ATRNL1: variants seen among roughly 807,000 people sequenced by gnomAD.
ATRNL1 encodes attractin like 1.
A neutral mutation model predicts 182.7 loss-of-function variants in ATRNL1; 95 were observed. The observed-to-expected ratio is 0.52, with a 90% confidence interval of 0.44 to 0.62. The LOEUF is 0.62. ATRNL1 is among the 20% of genes least tolerant of loss of function. The pLI, the probability that ATRNL1 is intolerant of heterozygous loss-of-function variation, is 0.00. For missense variants in ATRNL1, 1,471 were observed against 1,679.5 expected, an observed-to-expected ratio of 0.88 and a Z score of 2.17; for synonymous variants, 576 against 568.3, an observed-to-expected ratio of 1.01 and a Z score of -0.19.
At chr10:115,856,273 C>CA (rs1951178281) in intron 28 of ATRNL1, among the ~76,000 whole-genome samples, 1 of 151,432 alleles carries the variant, frequency 6.6e-6, no homozygotes, top group Non-Finnish European at 1.5e-5. Context: ...ACTAAAAATA[C>CA]AAAAATTAGC....
At chr10:115,668,351 T>C (rs574648354) in intron 26 of ATRNL1, among the ~76,000 whole-genome samples, 58 of 152,312 alleles carry the variant, frequency 3.8e-4, no homozygotes, top group African/African-American at 1.3e-3. Flanking sequence ...AAATTAGTTA[T>C]GTTGCTTTAT....
At chr10:115,577,971 T>G (rs1033078700) in intron 26 of ATRNL1, among the ~76,000 whole-genome samples, 8 of 151,812 alleles carry the variant, frequency 5.3e-5, no homozygotes, top group Non-Finnish European at 1.0e-4. Context: ...GAACAGATAC[T>G]GAACTTTGTC....
intron 27 of ATRNL1, among the ~76,000 whole-genome samples, chr10:115,763,895 C>T (rs1212300463): frequency 1.3e-5 from 2 of 152,016 alleles, no homozygotes; most frequent in African/African-American, 4.8e-5. Flanking sequence ...ATAACATTCA[C>T]GTTAAAAGTT....
intron 8 of ATRNL1, among the ~76,000 whole-genome samples, chr10:115,180,484 G>C (rs1249024764): frequency 6.6e-6 from 1 of 151,404 alleles, no homozygotes; most frequent in Non-Finnish European, 1.5e-5. Context: ...CCCTGCTTTT[G>C]AGCTTTTGGA....
intron 20 of ATRNL1, among the ~76,000 whole-genome samples, chr10:115,395,768 C>A (rs1399320912): frequency 6.6e-6 from 1 of 151,550 alleles, no homozygotes; most frequent in Non-Finnish European, 1.5e-5. Context: ...TATTTTCCTT[C>A]AAAAATTAAC....
At chr10:115,094,106 GC>G in intron 1 of ATRNL1, 63 bp downstream of exon 1, 1 of 1,294,852 alleles carries the variant, frequency 7.7e-7, no homozygotes. Context: ...GGCCTTCCCC[GC>G]CCCCCTCGCG....
At chr10:115,214,512 A>G (rs924524762) in intron 8 of ATRNL1, among the ~76,000 whole-genome samples, 3 of 151,954 alleles carry the variant, frequency 2.0e-5, no homozygotes, top group Admixed American at 1.3e-4. Context: ...TTTTATGATC[A>G]TTGTAGAATC....
chr10:115,496,681 G>C (rs1441296984), intron 24 of ATRNL1, among the ~76,000 whole-genome samples: 1 of 152,138 alleles, frequency 6.6e-6, no homozygotes, highest in Non-Finnish European at 1.5e-5. Flanking sequence ...TGAAGTTTTT[G>C]ATTTGAGTTT....
chr10:115,207,055 A>G (rs1055947729), intron 8 of ATRNL1, among the ~76,000 whole-genome samples: 1 of 152,124 alleles, frequency 6.6e-6, no homozygotes, highest in Non-Finnish European at 1.5e-5. Flanking sequence ...TCCATGGTGT[A>G]TATGTGCCAC....
Position 115,129,628 on chromosome 10 carries a change from C to T in ATRNL1, c.829+93C>T, listed in dbSNP as rs1306741346. On this transcript the variant is annotated intron_variant, in intron 5 of 28. Transcript: ENST00000355044. ...CACACGTTTGTTTCGTTATAGTTTG[C>T]ACACCCAAGCCTTATATATTTACTT... The T allele has an allele frequency of 6.3e-6, 6 of 950,738 alleles. No homozygotes were observed. In the Admixed American group the frequency reaches 1.1e-4, roughly 18 times the overall value. 58.9% of individuals were successfully genotyped at this position (950,738 alleles called of 1,614,324 possible).
chr10:115,139,897 A>T (rs1845688652), intron 5 of ATRNL1, among the ~76,000 whole-genome samples: 1 of 152,206 alleles, frequency 6.6e-6, no homozygotes, highest in Non-Finnish European at 1.5e-5. Context: ...ATACAAAAGG[A>T]TATTGAGTAG....
intron 26 of ATRNL1, among the ~76,000 whole-genome samples, chr10:115,720,692 T>C (rs1555057508): frequency 6.6e-6 from 1 of 152,144 alleles, no homozygotes; most frequent in Non-Finnish European, 1.5e-5. Context: ...CACCAAAGTT[T>C]ACAGAAAAAA....
At chr10:115,651,487 C>T (rs1263338509) in intron 26 of ATRNL1, among the ~76,000 whole-genome samples, 2 of 152,096 alleles carry the variant, frequency 1.3e-5, no homozygotes, top group Non-Finnish European at 2.9e-5. Context: ...TCAAGATTTT[C>T]TCCTTTTCTT....
chr10:115,160,094 A>C lies in ATRNL1; in HGVS notation c.884A>C (p.Asn295Thr), dbSNP rs1554882889. ...ACTGAGTCTTACTGGATTCTGCCAA[A>C]CGTTAAACCCTTCAGTCCTTCTGTA... is the stretch of plus-strand genomic sequence containing the variant. ...PSTESYWILP[N>T]VKPFSPSVGR... is the part of the protein sequence containing the mutation. Residue 295 changes from asparagine to threonine, a missense_variant, in exon 6 of 29, where the codon AAC (asparagine) becomes ACC (threonine). Asn to Thr is a moderately conservative substitution (Grantham distance 65, BLOSUM62 0). Around this residue, in one of 3 missense-constraint regions of ATRNL1, gnomAD observed 1,031 missense variants for 1,156.0 expected, o/e 0.89. Transcript: ENST00000355044. 6.2e-7 allele frequency: 1 copy of C among 1,612,214 alleles called. No individual in the cohort carries two copies.
intron 20 of ATRNL1, among the ~76,000 whole-genome samples, chr10:115,425,970 A>G (rs540745651): frequency 6.6e-6 from 1 of 152,164 alleles, no homozygotes; most frequent in South Asian, 2.1e-4. Context: ...GCTCATAATT[A>G]TATTTCATCT....
intron 5 of ATRNL1, among the ~76,000 whole-genome samples, chr10:115,131,169 C>T (rs1554875061): frequency 6.6e-6 from 1 of 151,888 alleles, no homozygotes; most frequent in Non-Finnish European, 1.5e-5. Flanking sequence ...TGGGTATGTT[C>T]ACTTTTAAAG....
chr10:115,306,918 G>A, intron 17 of ATRNL1, among the ~76,000 whole-genome samples: 1 of 151,934 alleles, frequency 6.6e-6, no homozygotes, highest in East Asian at 1.9e-4. Flanking sequence ...TTTTAACACA[G>A]GTATGAATTA....
chr10:115,430,868 G>A (rs1846126394), intron 21 of ATRNL1, among the ~76,000 whole-genome samples: 1 of 152,034 alleles, frequency 6.6e-6, no homozygotes. Context: ...TAAACATCCT[G>A]CAATGAAAAG....
intron 5 of ATRNL1, among the ~76,000 whole-genome samples, chr10:115,147,288 C>T (rs1254584929): frequency 1.3e-5 from 2 of 152,024 alleles, no homozygotes; most frequent in African/African-American, 4.8e-5. Flanking sequence ...GAAATGACTT[C>T]ATGATCTTTG....
Sources: gnomAD v4.1 joint callset for allele counts (sites outside exome capture counted in the v4.1 genomes callset) on GRCh38, gnomAD v4.1.1 for gene constraint, gnomAD v4.1.1 regional missense constraint, MANE v1.5 for transcripts, NCBI Gene and HGNC (gene_info 2026-07-23, HGNC 2026-07-21) for gene names.